Variants in VAV1 observed in about 807,000 individuals in gnomAD.
VAV1 encodes vav guanine nucleotide exchange factor 1.
A neutral mutation model predicts 128.1 loss-of-function variants in VAV1; 33 were observed. That is an observed-to-expected ratio of 0.26 (90% CI 0.20 to 0.34). VAV1 has a LOEUF of 0.34. Ranked by LOEUF, VAV1 falls within the 10% of genes least tolerant of loss-of-function variation. The pLI, the probability that VAV1 is intolerant of heterozygous loss-of-function variation, is 1.00. For synonymous variants in VAV1, 394 were observed against 409.8 expected, an observed-to-expected ratio of 0.96 and a Z score of 0.47; for missense variants, 715 against 1,093.7, an observed-to-expected ratio of 0.65 and a Z score of 4.88.
At position 6,838,949 on chromosome 19, in the gene VAV1, C is replaced by G. The variant is rs189210046; in HGVS notation, c.1980+1899C>G. 2.6e-3 allele frequency among the ~76,000 whole-genome samples: 397 copies of G among 151,756 alleles called. 3 individuals carry two copies. The highest frequency in any genetic ancestry group is 9.2e-3 in the African/African-American group (377 of 41,148). ...TGGAGTTTCACTCTTGTTTCCCAGG[C>G]TGGAGTGCAGTGGGGTGATCTCGGC... On this transcript the variant is annotated intron_variant, in intron 21 of 26. Transcript: ENST00000602142.
chr19:6,803,428 A>G (rs1299345199), intron 1 of VAV1, among the ~76,000 whole-genome samples: 1 of 152,152 alleles, frequency 6.6e-6, no homozygotes, highest in East Asian at 1.9e-4. Context: ...GGCATGTCTT[A>G]TGGAAAGGTG....
chr19:6,805,730 T>C (rs1417973421), intron 1 of VAV1, among the ~76,000 whole-genome samples: 1 of 151,180 alleles, frequency 6.6e-6, no homozygotes, highest in Non-Finnish European at 1.5e-5. Flanking sequence ...GAAATAATTA[T>C]ACAGCTCACA....
intron 1 of VAV1, among the ~76,000 whole-genome samples, chr19:6,816,181 A>G (rs1195909448): frequency 4.0e-5 from 6 of 151,888 alleles, no homozygotes; most frequent in Non-Finnish European, 8.8e-5. Flanking sequence ...CACCACGCCC[A>G]GCTAATTTTT....
chr19:6,804,082 T>C (rs201831100), intron 1 of VAV1, among the ~76,000 whole-genome samples: 8,121 of 151,750 alleles, frequency 0.054, 236 homozygotes, highest in Middle Eastern at 0.095. Context: ...GGAAAGGGGG[T>C]ATGGATAGGC....
chr19:6,814,270 G>C (rs1045725070), intron 1 of VAV1, among the ~76,000 whole-genome samples: 1 of 152,058 alleles, frequency 6.6e-6, no homozygotes, highest in Non-Finnish European at 1.5e-5. Context: ...CATTCAATCA[G>C]TTCTAGCAAC....
At chr19:6,774,981 G>T (rs1970592673) in intron 1 of VAV1, among the ~76,000 whole-genome samples, 1 of 149,566 alleles carries the variant, frequency 6.7e-6, no homozygotes, top group South Asian at 2.1e-4. Context: ...GACCAAGCTG[G>T]CCTTGAACTC....
chr19:6,832,947 A>G (rs1972121198), intron 15 of VAV1, among the ~76,000 whole-genome samples: 1 of 151,572 alleles, frequency 6.6e-6, no homozygotes, highest in South Asian at 2.1e-4. Context: ...TTAAGCATTC[A>G]CTCCCAATTC....
intron 19 of VAV1, 119 bp downstream of exon 19, chr19:6,834,072 C>A: frequency 7.0e-7 from 1 of 1,421,114 alleles, no homozygotes; most frequent in East Asian, 2.4e-5. Flanking sequence ...TGCAATAGCT[C>A]ACACCTGTAA....
intron 1 of VAV1, among the ~76,000 whole-genome samples, chr19:6,807,506 C>T (rs1971420998): frequency 1.3e-5 from 2 of 152,182 alleles, no homozygotes; most frequent in Admixed American, 6.6e-5. Context: ...ACAGATGAAG[C>T]TATGCTAGCT....
chr19:6,839,312 T>C (rs755997487), intron 21 of VAV1, among the ~76,000 whole-genome samples: 6 of 152,156 alleles, frequency 3.9e-5, no homozygotes, highest in African/African-American at 1.4e-4. Flanking sequence ...TAGAACATCC[T>C]TCTCTTTTTT....
At chr19:6,808,079 G>A (rs1318864743) in intron 1 of VAV1, among the ~76,000 whole-genome samples, 2 of 151,620 alleles carry the variant, frequency 1.3e-5, no homozygotes, top group African/African-American at 2.4e-5. Context: ...TTGGGAGGCC[G>A]AGGCAGGTGG....
intron 19 of VAV1, chr19:6,835,718 C>T (rs1423921982): frequency 6.6e-6 from 1 of 152,122 alleles, no homozygotes; most frequent in African/African-American, 2.4e-5. Context: ...TAGCTTGTTC[C>T]TTTTCATTGT....
At chr19:6,788,350 T>TATTATTA (rs1230328710) in intron 1 of VAV1, among the ~76,000 whole-genome samples, 1 of 141,972 alleles carries the variant, frequency 7.0e-6, no homozygotes, top group African/African-American at 2.6e-5. Flanking sequence ...TTCTTTTTAT[T>TATTATTA]TTATTATTAT....
At chr19:6,852,478 T>C (rs546731572) in intron 24 of VAV1, among the ~76,000 whole-genome samples, 2 of 152,256 alleles carry the variant, frequency 1.3e-5, no homozygotes, top group Non-Finnish European at 1.5e-5. Context: ...TCCCAGCACT[T>C]TGGGAGGCCG....
In VAV1 at chr19:6,822,031, G is replaced by A. The variant is rs1238874174; in HGVS notation, c.449+172G>A. On this transcript the variant is annotated intron_variant, in intron 4 of 26. Transcript: ENST00000602142. The surrounding 1 kb of genome is among the most constrained non-coding windows in gnomAD (Gnocchi z 5.9). ...CACAGCCCTGCCCTGGGGTCTTGGG[G>A]GACATGGCACTGTCCTGGGGTCTTG... 3.3e-5 allele frequency among the ~76,000 whole-genome samples: 5 copies of A among 151,396 alleles called. No individual in the cohort carries two copies. Among genetic ancestry groups the A allele is most frequent in the Non-Finnish European group, 7.4e-5 (5 of 67,606 alleles).
At chr19:6,773,980 T>A (rs1002188286) in intron 1 of VAV1, among the ~76,000 whole-genome samples, 9 of 152,024 alleles carry the variant, frequency 5.9e-5, no homozygotes, top group African/African-American at 2.2e-4. Flanking sequence ...ACAGCTCCCA[T>A]CTGGTCCTCA....
chr19:6,853,490 A>C (rs1972716749), intron 25 of VAV1, among the ~76,000 whole-genome samples: 1 of 151,934 alleles, frequency 6.6e-6, no homozygotes, highest in African/African-American at 2.4e-5. Context: ...TCGGGAGGCC[A>C]AGGTGGGTGG....
intron 1 of VAV1, among the ~76,000 whole-genome samples, chr19:6,773,318 T>A (rs1970543924): frequency 6.6e-6 from 1 of 151,980 alleles, no homozygotes; most frequent in Non-Finnish European, 1.5e-5. Flanking sequence ...TGCCCCCAGA[T>A]GGGACCAACC....
intron 22 of VAV1, among the ~76,000 whole-genome samples, chr19:6,843,415 G>C (rs756366518): frequency 6.6e-6 from 1 of 152,142 alleles, no homozygotes; most frequent in Non-Finnish European, 1.5e-5. Flanking sequence ...TGACAATGAT[G>C]ATGATGATAA....
Sources: allele counts gnomAD v4.1 joint callset (sites outside exome capture counted in the v4.1 genomes callset), GRCh38; gene constraint gnomAD v4.1.1; non-coding constraint Gnocchi (gnomAD v3.1); transcripts MANE v1.5; gene names NCBI Gene and HGNC (gene_info 2026-07-23, HGNC 2026-07-21).